Variants in SLC3A1 observed in about 807,000 individuals in gnomAD.
The protein encoded by SLC3A1 is amino acid transporter heavy chain SLC3A1.
In SLC3A1, 78 loss-of-function variants were observed where a neutral mutation model predicts 60.3. The ratio of observed to expected loss-of-function variants is 1.29; its 90% CI spans 1.08 to 1.56. The LOEUF is 1.56. SLC3A1 is among the 40% of genes most tolerant of loss of function. The pLI, the probability that SLC3A1 is intolerant of heterozygous loss-of-function variation, is 0.00. For synonymous variants in SLC3A1, 392 were observed against 307.9 expected (o/e 1.27, Z -2.86); for missense variants, 1,172 against 858.9 (o/e 1.36, Z -4.56).
intron 3 of SLC3A1, among the ~76,000 whole-genome samples, chr2:44,282,073 T>G (rs1671511740): frequency 6.6e-6 from 1 of 152,122 alleles, no homozygotes; most frequent in South Asian, 2.1e-4. Flanking sequence ...GGTTTCACCA[T>G]GTTGGCCACT....
chr2:44,312,727 G>A lies in SLC3A1; in HGVS notation c.1474G>A (p.Ala492Thr), dbSNP rs201989712. 121 of 1,613,010 alleles carry A rather than the reference G, an allele frequency of 7.5e-5. No homozygotes were observed. In the Admixed American group the frequency reaches 1.1e-3, roughly 14 times the overall value. ...AATTGGAATGGGAAATATTGTAGCC[G>A]CAAATCTCAATGAAAGCTATGATAT... Reference protein sequence around the residue: ...EEIGMGNIVAANLNESYDINT... With the variant: ...EEIGMGNIVATNLNESYDINT... The change falls in exon 8 of 10, where the codon GCA (alanine) becomes ACA (threonine). Residue 492 changes from alanine to threonine, a missense_variant. Ala to Thr is a moderately conservative substitution (Grantham distance 58, BLOSUM62 0). Coordinates refer to ENST00000260649, the MANE Select transcript of SLC3A1 (RefSeq NM_000341.4).
chr2:44,299,887 AGTT>A (rs1671958643), intron 4 of SLC3A1, 81 bp from the exon 5 acceptor site: 2 of 1,382,610 alleles, frequency 1.4e-6, no homozygotes, highest in Non-Finnish European at 2.1e-6. Flanking sequence ...TATGATGCCA[AGTT>A]GTTAACAGTC....
intron 7 of SLC3A1, among the ~76,000 whole-genome samples, chr2:44,306,655 G>T (rs1672165747): frequency 6.8e-6 from 1 of 147,432 alleles, no homozygotes. Flanking sequence ...CTGGGTTCAA[G>T]TAATTCTCCT....
At chr2:44,296,925 G>A (rs4953082) in intron 4 of SLC3A1, among the ~76,000 whole-genome samples, 77,554 of 151,996 alleles carry the variant, frequency 0.51, 22,430 homozygotes, top group Non-Finnish European at 0.66. Flanking sequence ...CTGCTGTCAT[G>A]TAAGATGTGA....
chr2:44,321,619 T>A, downstream of SLC3A1: 17 of 1,480,496 alleles, frequency 1.1e-5, no homozygotes, highest in Non-Finnish European at 1.5e-5. Context: ...ATTAAATTAT[T>A]TTCTTTAACA....
intron 4 of SLC3A1, among the ~76,000 whole-genome samples, chr2:44,290,906 C>T (rs1671727799): frequency 2.0e-5 from 3 of 152,052 alleles, no homozygotes; most frequent in Non-Finnish European, 4.4e-5. Context: ...TCTTCATCAC[C>T]AAAACTCCTT....
intron 4 of SLC3A1, among the ~76,000 whole-genome samples, chr2:44,292,712 C>T (rs1671766184): frequency 6.6e-6 from 1 of 151,842 alleles, no homozygotes; most frequent in African/African-American, 2.4e-5. Context: ...CAGAGGAAAG[C>T]GTGGATCGTG....
At chr2:44,278,191 T>C in intron 1 of SLC3A1, among the ~76,000 whole-genome samples, 1 of 152,084 alleles carries the variant, frequency 6.6e-6, no homozygotes, top group East Asian at 1.9e-4. Context: ...ACGCCTGTAA[T>C]CCCAGCACTT....
rs761211666 is a variant in SLC3A1, at chr2:44,320,400, CT to C, written c.1820del (p.Leu607HisfsTer4). Reference sequence around the variant, plus strand: ...TTTTGGAGAATCAACACTGTTAAATCTACATAATATGATTTCGGGCCTTCCC... The same window carrying C: ...TTTTGGAGAATCAACACTGTTAAATCACATAATATGATTTCGGGCCTTCCC... The part of the protein sequence containing the change: ...LNFGESTLLN[L>X]HNMISGLPAK... On this transcript the variant is annotated frameshift_variant, in exon 10 of 10. Transcript: ENST00000260649. LOFTEE classifies it low-confidence loss of function (END_TRUNC). 2 of 1,614,042 alleles carry C rather than the reference CT, an allele frequency of 1.2e-6. No homozygotes were observed. The highest frequency in any genetic ancestry group is 4.5e-5 in the East Asian group (2 of 44,882).
At chr2:44,305,005 A>AT (rs1672118075) in intron 7 of SLC3A1, among the ~76,000 whole-genome samples, 1 of 151,202 alleles carries the variant, frequency 6.6e-6, no homozygotes, top group Non-Finnish European at 1.5e-5. Flanking sequence ...TTGTTTTTGT[A>AT]TTTTTAGTAG....
chr2:44,301,281 A>T, intron 6 of SLC3A1, 154 bp downstream of exon 6: 1 of 951,160 alleles, frequency 1.1e-6, no homozygotes, highest in East Asian at 2.6e-5. Flanking sequence ...AGGGCCTGCC[A>T]TATTCCTTTC....
At chr2:44,283,618 C>T (rs1553342132) in intron 3 of SLC3A1, among the ~76,000 whole-genome samples, 2 of 152,112 alleles carry the variant, frequency 1.3e-5, no homozygotes, top group Non-Finnish European at 2.9e-5. Context: ...TCATTTCTTG[C>T]TTATAGAATG....
At chr2:44,303,435 C>A (rs564320962) in intron 6 of SLC3A1, among the ~76,000 whole-genome samples, 15 of 151,576 alleles carry the variant, frequency 9.9e-5, no homozygotes, top group African/African-American at 3.6e-4. Flanking sequence ...AGATGTTTCT[C>A]CACGTTGGCC....
chr2:44,292,886 A>C, intron 4 of SLC3A1, among the ~76,000 whole-genome samples: 1 of 152,112 alleles, frequency 6.6e-6, no homozygotes, highest in Middle Eastern at 3.4e-3. Flanking sequence ...TTTATTTTTT[A>C]TTTTTATTTT....
rs558325732 is a variant in SLC3A1, at chr2:44,300,919, A to G, written c.1012-84A>G. ...GTCTCGCTTGGCTTGAGCCCTTTGA[A>G]GAGGTTGTCTACATTCATATAGAGC... On this transcript the variant is annotated intron_variant, in intron 5 of 9. Coordinates refer to ENST00000260649, the MANE Select transcript of SLC3A1 (RefSeq NM_000341.4). 6.4e-5 allele frequency: 100 copies of G among 1,552,034 alleles called. No individual in the cohort carries two copies. In the African/African-American group the frequency reaches 1.3e-3, roughly 21 times the overall value.
chr2:44,315,546 T>A (rs1221170837), intron 9 of SLC3A1, among the ~76,000 whole-genome samples: 1 of 149,268 alleles, frequency 6.7e-6, no homozygotes, highest in East Asian at 2.0e-4. Flanking sequence ...TGGTGACATG[T>A]GCCTGTCATC....
intron 4 of SLC3A1, among the ~76,000 whole-genome samples, chr2:44,290,356 C>A (rs990712469): frequency 2.0e-5 from 3 of 152,118 alleles, no homozygotes; most frequent in African/African-American, 7.2e-5. Flanking sequence ...GTTTTGAAAT[C>A]GGGAAGTGAG....
At chr2:44,283,737 G>T (rs1671550138) in intron 3 of SLC3A1, among the ~76,000 whole-genome samples, 1 of 152,078 alleles carries the variant, frequency 6.6e-6, no homozygotes, top group South Asian at 2.1e-4. Flanking sequence ...ATATGTATAT[G>T]TATATGATGG....
chr2:44,298,543 A>G (rs1040398021), intron 4 of SLC3A1, among the ~76,000 whole-genome samples: 7 of 152,080 alleles, frequency 4.6e-5, no homozygotes. Context: ...ATGCCCAACT[A>G]ATTTTTGTAT....
Sources: gnomAD v4.1 joint callset for allele counts (sites outside exome capture counted in the v4.1 genomes callset) on GRCh38, gnomAD v4.1.1 for gene constraint, MANE v1.5 for transcripts, NCBI Gene and HGNC (gene_info 2026-07-23, HGNC 2026-07-21) for gene names.